Variants in NYNRIN observed in about 807,000 individuals in gnomAD.
The protein encoded by NYNRIN is protein NYNRIN.
A neutral mutation model predicts 146.6 loss-of-function variants in NYNRIN; 86 were observed. The observed-to-expected ratio is 0.59, with a 90% CI of 0.49 to 0.70. NYNRIN has a LOEUF of 0.70. NYNRIN is among the 30% of genes least tolerant of loss of function. NYNRIN has a pLI of 0.00. For missense variants in NYNRIN, 2,191 were observed against 2,377.7 expected (o/e 0.92, Z 1.63); for synonymous variants, 1,027 against 1,001.3 (o/e 1.03, Z -0.48).
At position 24,418,480 on chromosome 14, in the gene NYNRIN, G is replaced by A. The variant is rs535797810; in HGVS notation, c.*1034G>A. ...GATTGCTTCATCTGTATCACCCCCC[G>A]AGTCCTGTGGACCTGCCTTCTGTGT... On this transcript the variant is annotated 3_prime_UTR_variant, in exon 9 of 9. Transcript: ENST00000382554. 4.1e-5 allele frequency: 14 copies of A among 343,784 alleles called. No individual in the cohort carries two copies. Among genetic ancestry groups the A allele is most frequent in the African/African-American group, 2.0e-4 (9 of 45,876 alleles). The allele number at this position is 343,784 out of a possible 1,614,324, so 21.3% of individuals were successfully genotyped here.
At chr14:24,404,385 A>G (rs1383985273) in intron 2 of NYNRIN, among the ~76,000 whole-genome samples, 1 of 152,176 alleles carries the variant, frequency 6.6e-6, no homozygotes, top group Non-Finnish European at 1.5e-5. Flanking sequence ...TCCAATTTGA[A>G]ACGTATGTAT....
Position 24,409,928 on chromosome 14 carries a change from T to C in NYNRIN, c.2134T>C (p.Ser712Pro), listed in dbSNP as rs1444124416. Reference protein sequence around the residue: ...EVQPTSRASVSLLKGQGQAGR... With the variant: ...EVQPTSRASVPLLKGQGQAGR... The stretch of plus-strand genomic sequence containing the variant: ...CCAGCCTACATCAAGGGCTAGTGTC[T>C]CCTTACTGAAGGGCCAGGGGCAGGC... The change falls in exon 4 of 9, where the codon TCC (serine) becomes CCC (proline). Residue 712 changes from serine to proline, a missense_variant. Ser to Pro is a moderately conservative substitution (Grantham distance 74). This residue lies in a region of NYNRIN where 895 missense variants were observed against 941.2 expected (regional missense o/e 0.95). Transcript: ENST00000382554. The C allele has an allele frequency of 6.8e-6, 11 of 1,613,714 alleles. No homozygotes were observed. The highest frequency in any genetic ancestry group is 9.3e-6 in the Non-Finnish European group (11 of 1,179,758).
intron 7 of NYNRIN, 100 bp downstream of exon 7, chr14:24,413,198 G>T (rs1328503570): frequency 9.8e-6 from 13 of 1,321,028 alleles, no homozygotes; most frequent in Non-Finnish European, 1.3e-5. Flanking sequence ...CCTTGGAGTA[G>T]TGCCCACCAG....
At chr14:24,399,148 C>T in intron 1 of NYNRIN, 62 bp downstream of exon 1, 10 of 1,114,730 alleles carry the variant, frequency 9.0e-6, no homozygotes, top group African/African-American at 3.2e-5. Context: ...GAGGAGGGGG[C>T]GTGGCTTAGG....
intron 2 of NYNRIN, among the ~76,000 whole-genome samples, chr14:24,404,069 CTTG>C (rs1347111333): frequency 6.6e-6 from 1 of 152,126 alleles, no homozygotes; most frequent in Admixed American, 6.5e-5. Context: ...GTCAGGCACT[CTTG>C]TTGTACTTAG....
At chr14:24,406,109 C>T (rs1022624568) in intron 2 of NYNRIN, among the ~76,000 whole-genome samples, 2 of 151,876 alleles carry the variant, frequency 1.3e-5, no homozygotes, top group Non-Finnish European at 2.9e-5. Context: ...CTGCCGTGAG[C>T]TGAGATCACT....
Position 24,417,006 on chromosome 14 carries a change from A to C in NYNRIN, c.5257A>C (p.Thr1753Pro). 1 of 1,595,152 alleles carries C rather than the reference A, an allele frequency of 6.3e-7. No homozygotes were observed. ...GCACCTGGCCTTCAGGGCCTCCTCC[A>C]CTGATGCCACACCGTTCAAGGTCCT... ...LLHLAFRASS[T>P]DATPFKVLTG... The change falls in exon 9 of 9, where the codon ACT (threonine) becomes CCT (proline). Residue 1753 changes from threonine to proline, a missense_variant. Thr to Pro is a conservative substitution (Grantham distance 38). Around this residue, in one of 3 missense-constraint regions of NYNRIN, gnomAD observed 1,291 missense variants for 1,417.0 expected, o/e 0.91. Transcript: ENST00000382554.
rs375398122 is a variant in NYNRIN, at chr14:24,411,091, C to T, written c.2430C>T (p.His810=). The T allele has an allele frequency of 9.4e-5, 151 of 1,613,782 alleles. No homozygotes were observed. The African/African-American group carries it at 1.9e-3, about 20-fold the overall frequency. Residue 810 remains histidine (H), a synonymous_variant, in exon 5 of 9, where the codon CAC becomes CAT. Transcript: ENST00000382554. This position sits in a 1 kb window ranked among gnomAD's most constrained non-coding sequence, Gnocchi z 4.3. ...GACCCCACAGGCATGGCCTGCAGCA[C>T]TTCTTCTCCTGCCGAGGAATTGCCA... ...SSVAMVHGLQ[H]FFSCRGIAMA... is the part of the protein sequence containing the mutation.
intron 7 of NYNRIN, 69 bp downstream of exon 7, chr14:24,413,167 G>A (rs3818251): frequency 0.74 from 1,011,001 of 1,362,614 alleles, 376,534 homozygotes; most frequent in Admixed American, 0.82. Flanking sequence ...GGCATGGGAG[G>A]GATTAGGGCT....
intron 2 of NYNRIN, among the ~76,000 whole-genome samples, chr14:24,404,878 G>T (rs2042866727): frequency 6.6e-6 from 1 of 152,070 alleles, no homozygotes; most frequent in Non-Finnish European, 1.5e-5. Flanking sequence ...CTCCCTCCAT[G>T]TTTTTTTGTG....
rs778415773 is a variant in NYNRIN at position 24,410,221 on chromosome 14, G to A, written c.2414+13G>A. 15 of 1,565,206 alleles carry A rather than the reference G, an allele frequency of 9.6e-6. No homozygotes were observed. The highest frequency in any genetic ancestry group is 4.8e-5 in the South Asian group (4 of 83,934). Reference sequence around the variant, plus strand: ...GTGTGGCCATGGTGTGAGTAGTCACGGGCGTGGGGTGGGCTGGGGATGCTG... The same window carrying A: ...GTGTGGCCATGGTGTGAGTAGTCACAGGCGTGGGGTGGGCTGGGGATGCTG... On this transcript the variant is annotated intron_variant, in intron 4 of 8. Transcript: ENST00000382554.
At chr14:24,402,718 AC>A (rs2042852357) in intron 2 of NYNRIN, among the ~76,000 whole-genome samples, 1 of 151,852 alleles carries the variant, frequency 6.6e-6, no homozygotes, top group Non-Finnish European at 1.5e-5. Flanking sequence ...AATCAAGGTT[AC>A]CCCCCACCCC....
chr14:24,409,314 G>T lies in NYNRIN; in HGVS notation c.1520G>T (p.Gly507Val), dbSNP rs779545570. The change falls in exon 4 of 9, where the codon GGA (glycine) becomes GTA (valine). Residue 507 changes from glycine (G) to valine (V), a missense_variant. Physicochemically the swap from Gly to Val is moderately radical, Grantham distance 109. Around this residue, in one of 3 missense-constraint regions of NYNRIN, gnomAD observed 895 missense variants for 941.2 expected, o/e 0.95. Transcript: ENST00000382554. ...GGGAGTATGCAGTTAGATTTTAAGG[G>T]ACTGGAAGAGGGACCCGCTCCAGTG... ...DQGSMQLDFK[G>V]LEEGPAPVLP... 1 of 1,614,068 alleles carries T rather than the reference G, an allele frequency of 6.2e-7. No homozygotes were observed. The highest frequency in any genetic ancestry group is 1.1e-5 in the South Asian group (1 of 91,086).
In NYNRIN at chr14:24,409,721, C is replaced by T. The variant is rs747240099; in HGVS notation, c.1927C>T (p.Pro643Ser). 75 of 1,607,636 alleles carry T rather than the reference C, an allele frequency of 4.7e-5. No homozygotes were observed. Among genetic ancestry groups the T allele is most frequent in the Non-Finnish European group, 6.0e-5 (71 of 1,177,020 alleles). The change falls in exon 4 of 9, where the codon CCC becomes TCC. Residue 643 changes from proline to serine, a missense_variant. Pro to Ser is a moderately conservative substitution (Grantham distance 74). This residue lies in a region of NYNRIN where 895 missense variants were observed against 941.2 expected (regional missense o/e 0.95). Coordinates refer to ENST00000382554, the MANE Select transcript of NYNRIN (RefSeq NM_025081.3). Reference sequence around the variant, plus strand: ...AACATCACCTGCAGGTCCCAAAACACCCAAAGCTCAAGCCGGGCCTGCAGC... The same window carrying T: ...AACATCACCTGCAGGTCCCAAAACATCCAAAGCTCAAGCCGGGCCTGCAGC... ...AKTSPAGPKT[P>S]KAQAGPAATV...
chr14:24,412,910 G>A, intron 6 of NYNRIN, 87 bp from the exon 7 acceptor site: 4 of 858,782 alleles, frequency 4.7e-6, no homozygotes, highest in South Asian at 1.5e-5. Context: ...ACACCTCAAT[G>A]TGAAGCTGCA....
In NYNRIN at chr14:24,417,036, G is replaced by A. The variant is rs768427936; in HGVS notation, c.5287G>A (p.Gly1763Arg). 2.2e-5 allele frequency: 36 copies of A among 1,609,702 alleles called. No individual in the cohort carries two copies. The highest frequency in any genetic ancestry group is 1.8e-4 in the East Asian group (8 of 44,822). The change falls in exon 9 of 9, where the codon GGG (glycine) becomes AGG (arginine). Residue 1763 changes from glycine (G) to arginine (R), a missense_variant. By Grantham distance (125) the Gly-to-Arg change is moderately radical. Around this residue, in one of 3 missense-constraint regions of NYNRIN, gnomAD observed 1,291 missense variants for 1,417.0 expected, o/e 0.91. Transcript: ENST00000382554. Reference sequence around the variant, plus strand: ...TGCCACACCGTTCAAGGTCCTGACCGGGGGTGAGTCAAGGCTCACGGAGCC... The same window carrying A: ...TGCCACACCGTTCAAGGTCCTGACCAGGGGTGAGTCAAGGCTCACGGAGCC... ...TDATPFKVLT[G>R]GESRLTEPLW...
intron 2 of NYNRIN, among the ~76,000 whole-genome samples, chr14:24,401,021 T>C (rs1171530991): frequency 6.6e-6 from 1 of 152,202 alleles, no homozygotes; most frequent in East Asian, 1.9e-4. Flanking sequence ...ACTCCTGGCC[T>C]CAGGTGATCC....
Position 24,416,080 on chromosome 14 carries a change from T to A in NYNRIN, c.4331T>A (p.Leu1444Gln). 1.9e-6 allele frequency: 3 copies of A among 1,613,970 alleles called. No individual in the cohort carries two copies. The highest frequency in any genetic ancestry group is 2.5e-6 in the Non-Finnish European group (3 of 1,179,868). Residue 1444 changes from leucine (L) to glutamine (Q), a missense_variant, in exon 9 of 9, where the codon CTG becomes CAG. By Grantham distance (113) the Leu-to-Gln change is moderately radical. This residue lies in a region of NYNRIN where 1,291 missense variants were observed against 1,417.0 expected (regional missense o/e 0.91). Coordinates refer to ENST00000382554, the MANE Select transcript of NYNRIN (RefSeq NM_025081.3). The stretch of plus-strand genomic sequence containing the variant: ...CTGTTTGCTGTGACAGTGGACACCC[T>A]GGCCAAGCAGGGTGCCCAGGGGGGT... Reference protein sequence around the residue: ...GSLFAVTVDTLAKQGAQGGGQ... With the variant: ...GSLFAVTVDTQAKQGAQGGGQ...
chr14:24,406,897 G>A (rs1207976561), intron 2 of NYNRIN, among the ~76,000 whole-genome samples: 1 of 152,254 alleles, frequency 6.6e-6, no homozygotes, highest in Non-Finnish European at 1.5e-5. Flanking sequence ...AAGATGGCAA[G>A]TGTGTGCCCT....
Sources: allele counts gnomAD v4.1 joint callset (sites outside exome capture counted in the v4.1 genomes callset), GRCh38; gene constraint gnomAD v4.1.1; regional missense constraint gnomAD v4.1.1; non-coding constraint Gnocchi (gnomAD v3.1); transcripts MANE v1.5; gene names NCBI Gene and HGNC (gene_info 2026-07-23, HGNC 2026-07-21).